The following MAN1A1 variants were observed in gnomAD, a reference collection of about 807,000 sequenced individuals.
The protein encoded by MAN1A1 is mannosidase alpha class 1A member 1, also known as mannosyl-oligosaccharide 1,2-alpha-mannosidase IA.
In MAN1A1, 29 loss-of-function variants were observed where a neutral mutation model predicts 70.8. That is an observed-to-expected ratio of 0.41 (90% CI 0.31 to 0.56). MAN1A1 has a LOEUF of 0.56. Ranked by LOEUF, MAN1A1 falls within the 20% of genes least tolerant of loss-of-function variation. The pLI is 0.29. For synonymous variants in MAN1A1, 349 were observed against 330.1 expected (o/e 1.06, Z -0.62); for missense variants, 747 against 841.3 (o/e 0.89, Z 1.39).
chr6:119,209,470 T>A (rs890413857), intron 6 of MAN1A1, among the ~76,000 whole-genome samples: 22 of 152,180 alleles, frequency 1.4e-4, no homozygotes, highest in Non-Finnish European at 2.8e-4. Context: ...AGAAAAATAC[T>A]CCCTCACATC....
chr6:119,349,779 T>C (rs576967164), upstream of MAN1A1: 562 of 983,492 alleles, frequency 5.7e-4, no homozygotes, highest in Non-Finnish European at 6.2e-4. Flanking sequence ...CTGCCGGTCT[T>C]GGGGCGGTGG....
intron 6 of MAN1A1, among the ~76,000 whole-genome samples, chr6:119,218,738 T>C (rs746747009): frequency 1.2e-4 from 18 of 152,102 alleles, no homozygotes; most frequent in Non-Finnish European, 2.1e-4. Flanking sequence ...AATGAATGAA[T>C]ATGTATGTAT....
At chr6:119,317,308 T>C (rs72968495) in intron 2 of MAN1A1, among the ~76,000 whole-genome samples, 1,863 of 152,314 alleles carry the variant, frequency 0.012, 17 homozygotes, top group Non-Finnish European at 0.016. Context: ...TCAATGGTTT[T>C]GACAATGTAT....
intron 6 of MAN1A1, among the ~76,000 whole-genome samples, chr6:119,244,981 T>C (rs1283752113): frequency 6.6e-6 from 1 of 152,124 alleles, no homozygotes; most frequent in Non-Finnish European, 1.5e-5. Context: ...AGAAACCAAT[T>C]ATCTTTAGGC....
At chr6:119,261,093 C>T (rs933379039) in intron 5 of MAN1A1, among the ~76,000 whole-genome samples, 2 of 150,308 alleles carry the variant, frequency 1.3e-5, no homozygotes, top group Non-Finnish European at 3.0e-5. Context: ...ATTCTTCTGC[C>T]TCAGCCACCT....
intron 4 of MAN1A1, among the ~76,000 whole-genome samples, chr6:119,295,183 T>C (rs543347857): frequency 2.0e-5 from 3 of 152,072 alleles, no homozygotes; most frequent in Non-Finnish European, 2.9e-5. Flanking sequence ...ACAGAGAAAA[T>C]GAACACGTCA....
At chr6:119,332,180 C>T (rs1773335949) in intron 2 of MAN1A1, among the ~76,000 whole-genome samples, 1 of 152,050 alleles carries the variant, frequency 6.6e-6, no homozygotes, top group African/African-American at 2.4e-5. Flanking sequence ...TTTCACCATT[C>T]CAGAATTAAA....
At chr6:119,219,225 T>C (rs537379220) in intron 6 of MAN1A1, among the ~76,000 whole-genome samples, 3 of 151,012 alleles carry the variant, frequency 2.0e-5, no homozygotes, top group East Asian at 3.9e-4. Context: ...TTCATCAATA[T>C]TTCTCCATAA....
chr6:119,290,560 C>T, intron 5 of MAN1A1, 123 bp downstream of exon 5: 1 of 659,248 alleles, frequency 1.5e-6, no homozygotes, highest in Non-Finnish European at 2.6e-6. Flanking sequence ...TAAGCTACAG[C>T]TTCATTGAAA....
chr6:119,312,944 G>T (rs1475494708), intron 2 of MAN1A1, among the ~76,000 whole-genome samples: 1 of 152,164 alleles, frequency 6.6e-6, no homozygotes. Flanking sequence ...GAGGAGATCA[G>T]GTGTGACAGG....
chr6:119,282,496 A>C (rs1036931948), intron 5 of MAN1A1, among the ~76,000 whole-genome samples: 2 of 152,202 alleles, frequency 1.3e-5, no homozygotes, highest in African/African-American at 2.4e-5. Flanking sequence ...TACCAATCAT[A>C]ATGGAATAGT....
chr6:119,193,006 T>A (rs547450481), intron 9 of MAN1A1, among the ~76,000 whole-genome samples: 1 of 152,290 alleles, frequency 6.6e-6, no homozygotes, highest in Non-Finnish European at 1.5e-5. Flanking sequence ...AAGATTTAAG[T>A]GTAGAATGGA....
intron 4 of MAN1A1, among the ~76,000 whole-genome samples, chr6:119,299,842 C>G (rs1241869389): frequency 2.6e-5 from 4 of 152,136 alleles, no homozygotes; most frequent in African/African-American, 9.7e-5. Context: ...TGTCTGTTAC[C>G]TTTGCACTTA....
chr6:119,289,657 T>C (rs1776479695), intron 5 of MAN1A1, among the ~76,000 whole-genome samples: 1 of 151,926 alleles, frequency 6.6e-6, no homozygotes, highest in East Asian at 1.9e-4. Context: ...ACAGAAGTCA[T>C]CTATATACTT....
chr6:119,227,420 T>C (rs1368968674), intron 6 of MAN1A1, among the ~76,000 whole-genome samples: 3 of 152,202 alleles, frequency 2.0e-5, no homozygotes, highest in African/African-American at 7.2e-5. Flanking sequence ...TTCAGGTAAA[T>C]TATGCCTCCA....
intron 7 of MAN1A1, among the ~76,000 whole-genome samples, chr6:119,202,417 G>A (rs1010986600): frequency 5.9e-5 from 9 of 152,198 alleles, no homozygotes; most frequent in African/African-American, 2.2e-4. Context: ...CTCCTGTGAT[G>A]ATAATGCCTT....
At chr6:119,322,337 A>T (rs1264948325) in intron 2 of MAN1A1, among the ~76,000 whole-genome samples, 2 of 152,032 alleles carry the variant, frequency 1.3e-5, no homozygotes, top group Non-Finnish European at 2.9e-5. Context: ...CCCTCTCAGT[A>T]CTGGGCCCTG....
At chr6:119,302,405 G>C (rs1006883699) in intron 3 of MAN1A1, among the ~76,000 whole-genome samples, 51 of 148,470 alleles carry the variant, frequency 3.4e-4, no homozygotes, top group African/African-American at 1.3e-3. Context: ...TTTTTGAGAT[G>C]GAGTCTCATT....
At chr6:119,216,358 A>G (rs2299876) in intron 6 of MAN1A1, among the ~76,000 whole-genome samples, 55,115 of 152,006 alleles carry the variant, frequency 0.36, 10,470 homozygotes, top group Non-Finnish European at 0.4. Context: ...TGCTGATAGT[A>G]GAGATGGACT....
Sources: allele counts gnomAD v4.1 joint callset (sites outside exome capture counted in the v4.1 genomes callset), GRCh38; gene constraint gnomAD v4.1.1; transcripts MANE v1.5; gene names NCBI Gene and HGNC (gene_info 2026-07-23, HGNC 2026-07-21).